The following NOVA2 variants were observed in gnomAD, a reference collection of about 807,000 sequenced individuals.
NOVA2 encodes the protein RNA-binding protein Nova-2.
Under a neutral mutation model 22.5 loss-of-function variants are expected in NOVA2, and 9 were observed. That is an observed-to-expected ratio of 0.40 (90% CI 0.24 to 0.70). The LOEUF (loss-of-function observed/expected upper bound fraction) is 0.70, where lower values mean the gene tolerates loss of function less well. NOVA2 is among the 30% of genes least tolerant of loss of function. The probability of loss-of-function intolerance (pLI) is 0.38; values close to 1 mark genes in which losing one functional copy is unlikely to be tolerated. For synonymous variants in NOVA2, 318 were observed against 335.2 expected (o/e 0.95, Z 0.56); for missense variants, 383 against 682.8 (o/e 0.56, Z 4.89).
At chr19:45,949,358 A>C (rs1016726599) in intron 3 of NOVA2, among the ~76,000 whole-genome samples, 1 of 151,404 alleles carries the variant, frequency 6.6e-6, no homozygotes, top group Non-Finnish European at 1.5e-5. Flanking sequence ...AAAAACAAAC[A>C]GCCTGACAAA....
chr19:45,958,431 T>C (rs1339385260), intron 2 of NOVA2, among the ~76,000 whole-genome samples: 2 of 149,988 alleles, frequency 1.3e-5, no homozygotes, highest in Admixed American at 6.7e-5. Flanking sequence ...TGTGAATGAG[T>C]GTGAGAGCAC....
chr19:45,955,149 A>G (rs971629971), intron 2 of NOVA2, among the ~76,000 whole-genome samples: 24 of 152,040 alleles, frequency 1.6e-4, no homozygotes, highest in African/African-American at 5.8e-4. Flanking sequence ...AGGCTACACA[A>G]TGAATATATA....
intron 3 of NOVA2, among the ~76,000 whole-genome samples, chr19:45,945,286 T>C (rs947852139): frequency 1.3e-5 from 2 of 150,772 alleles, no homozygotes; most frequent in African/African-American, 4.9e-5. Flanking sequence ...TGGGTGACAG[T>C]GCAAGACCCT....
intron 1 of NOVA2, among the ~76,000 whole-genome samples, chr19:45,965,654 C>T (rs564861295): frequency 1.2e-4 from 19 of 152,150 alleles, no homozygotes; most frequent in African/African-American, 4.6e-4. Context: ...CGTTTGAACC[C>T]AGGAGGCAGA....
chr19:45,947,030 G>T (rs1339268269), intron 3 of NOVA2, among the ~76,000 whole-genome samples: 1 of 151,982 alleles, frequency 6.6e-6, no homozygotes, highest in African/African-American at 2.4e-5. Flanking sequence ...AAAATAAAAA[G>T]GAAAAAAATC....
Position 45,939,880 on chromosome 19 carries a change from G to T in NOVA2, c.1462C>A (p.Pro488Thr). 2.5e-6 allele frequency: 4 copies of T among 1,614,152 alleles called. No individual in the cohort carries two copies. Among genetic ancestry groups the T allele is most frequent in the Non-Finnish European group, 3.4e-6 (4 of 1,180,020 alleles). The change falls in exon 4 of 4, where the codon CCC (proline) becomes ACC (threonine). Residue 488 changes from proline (P) to threonine (T), a missense_variant. Around this residue, in one of 2 missense-constraint regions of NOVA2, gnomAD observed 34 missense variants for 104.7 expected, o/e 0.32. Transcript: ENST00000263257. ...CACAGGCCTCATCCCACTTTCTGGG[G>T]GTTTGAGGCCCTCACTCCCTGCTCG... ...TYEQGVRASN[P>T]QKVG
At chr19:45,950,290 C>G (rs745580444) in intron 3 of NOVA2, among the ~76,000 whole-genome samples, 1 of 151,824 alleles carries the variant, frequency 6.6e-6, no homozygotes, top group Non-Finnish European at 1.5e-5. Flanking sequence ...TCCTGAATAG[C>G]TGAGACTACA....
chr19:45,955,353 G>A (rs192802998), intron 2 of NOVA2, among the ~76,000 whole-genome samples: 53 of 152,310 alleles, frequency 3.5e-4, no homozygotes, highest in Admixed American at 8.5e-4. Context: ...GAGACAGACA[G>A]GTAGACTCAG....
At position 45,966,559 on chromosome 19, in the gene NOVA2, C is replaced by T. The variant is rs183571458; in HGVS notation, c.86-5406G>A. 3.3e-5 allele frequency among the ~76,000 whole-genome samples: 5 copies of T among 152,270 alleles called. No individual in the cohort carries two copies. In the East Asian group the frequency reaches 9.7e-4, roughly 29 times the overall value. On this transcript the variant is annotated intron_variant, in intron 1 of 3. Transcript: ENST00000263257. The stretch of plus-strand genomic sequence containing the variant: ...CTGGGATTACAGGCATGAGCCACCG[C>T]GCCTGGCCTAAATGCATCCATTTAA...
intron 1 of NOVA2, among the ~76,000 whole-genome samples, chr19:45,963,655 C>G (rs1159349270): frequency 1.3e-5 from 2 of 151,788 alleles, no homozygotes; most frequent in Non-Finnish European, 2.9e-5. Flanking sequence ...CCTCAGCCTC[C>G]CGAGTAGCTG....
In NOVA2 at chr19:45,936,868, C is replaced by T. The variant is rs184609634; in HGVS notation, c.*2995G>A. 6 of 151,670 alleles carry T rather than the reference C, an allele frequency of 4.0e-5. No individual in the cohort carries two copies. Among genetic ancestry groups the T allele is most frequent in the South Asian group, 2.1e-4 (1 of 4,762 alleles). The allele number at this position is 151,670 out of a possible 1,614,324, so 9.4% of individuals were successfully genotyped here. On this transcript the variant is annotated 3_prime_UTR_variant, in exon 4 of 4. Transcript: ENST00000263257. ...GGAGGCCACTCAGAGACTCTGAGAT[C>T]GGATTGGCTAATAGGGAGACGGGGA...
intron 3 of NOVA2, among the ~76,000 whole-genome samples, chr19:45,943,868 G>T (rs1292507206): frequency 6.6e-6 from 1 of 152,126 alleles, no homozygotes; most frequent in Non-Finnish European, 1.5e-5. Context: ...ACCAAGTATT[G>T]TTTGCATGGT....
intron 1 of NOVA2, among the ~76,000 whole-genome samples, chr19:45,963,213 T>C (rs1375767538): frequency 6.6e-6 from 1 of 151,978 alleles, no homozygotes; most frequent in Non-Finnish European, 1.5e-5. Context: ...ACTCCGTCTC[T>C]ACTAAAAGTA....
chr19:45,958,594 T>C (rs564668104), intron 2 of NOVA2, among the ~76,000 whole-genome samples: 15 of 151,182 alleles, frequency 9.9e-5, no homozygotes, highest in African/African-American at 3.2e-4. Context: ...TGAGTGTGTG[T>C]GAGCATGACA....
intron 3 of NOVA2, among the ~76,000 whole-genome samples, chr19:45,951,802 A>C (rs944843097): frequency 6.6e-6 from 1 of 151,936 alleles, no homozygotes; most frequent in Non-Finnish European, 1.5e-5. Context: ...GCCTCAGACT[A>C]ATATATATTA....
chr19:45,944,991 G>A (rs1967815696), intron 3 of NOVA2, among the ~76,000 whole-genome samples: 1 of 152,086 alleles, frequency 6.6e-6, no homozygotes, highest in Non-Finnish European at 1.5e-5. Context: ...GAGATCGAGG[G>A]GTCATAGCTA....
rs533511420 is a variant in NOVA2, at chr19:45,935,611, C to G, written c.*4252G>C. 2 of 152,356 alleles carry G rather than the reference C, an allele frequency of 1.3e-5. No individual in the cohort carries two copies. The highest frequency in any genetic ancestry group is 3.9e-4 in the East Asian group (2 of 5,186). The allele number at this position is 152,356 out of a possible 1,614,324, so 9.4% of individuals were successfully genotyped here. Reference sequence around the variant, plus strand: ...GCGGGCACTCAGTCAGCAGCCTGGACGCCCCAACTGCCATCCTCATCGCCA... The same window carrying G: ...GCGGGCACTCAGTCAGCAGCCTGGAGGCCCCAACTGCCATCCTCATCGCCA... On this transcript the variant is annotated 3_prime_UTR_variant, in exon 4 of 4. Coordinates refer to ENST00000263257, the MANE Select transcript of NOVA2 (RefSeq NM_002516.4).
At chr19:45,955,068 T>C (rs183088092) in intron 2 of NOVA2, among the ~76,000 whole-genome samples, 64 of 152,250 alleles carry the variant, frequency 4.2e-4, no homozygotes, top group African/African-American at 1.4e-3. Flanking sequence ...TGTAGACTCT[T>C]TGTGAGACAG....
chr19:45,942,726 C>T (rs529133981), intron 3 of NOVA2, among the ~76,000 whole-genome samples: 26 of 152,200 alleles, frequency 1.7e-4, no homozygotes, highest in African/African-American at 6.3e-4. Context: ...TTCTCAGTTG[C>T]AGAGCAGCCA....
Sources: gnomAD v4.1 joint callset for allele counts (sites outside exome capture counted in the v4.1 genomes callset) on GRCh38, gnomAD v4.1.1 for gene constraint, gnomAD v4.1.1 regional missense constraint, MANE v1.5 for transcripts, NCBI Gene and HGNC (gene_info 2026-07-23, HGNC 2026-07-21) for gene names.